IL18R1: variants seen among roughly 807,000 people sequenced by gnomAD.
IL18R1 encodes the protein interleukin 18 receptor 1.
IL18R1 carries 40 observed loss-of-function variants against 48.5 expected under a neutral mutation model. The observed-to-expected ratio is 0.82, with a 90% CI of 0.64 to 1.07. The LOEUF is 1.07. IL18R1 is among the 50% of genes least tolerant of loss of function. The pLI is 0.00. For synonymous variants in IL18R1, 232 were observed against 225.9 expected (o/e 1.03, Z -0.24); for missense variants, 596 against 633.7 (o/e 0.94, Z 0.64).
intron 5 of IL18R1, among the ~76,000 whole-genome samples, chr2:102,377,600 G>T (rs1284652380): frequency 1.3e-5 from 2 of 152,262 alleles, no homozygotes; most frequent in African/African-American, 4.8e-5. Context: ...ACAGGCATAA[G>T]CCACTGCACC....
chr2:102,391,778 C>T (rs950970104), intron 9 of IL18R1, among the ~76,000 whole-genome samples: 2 of 152,202 alleles, frequency 1.3e-5, no homozygotes, highest in Non-Finnish European at 2.9e-5. Context: ...ATTTAAGTGA[C>T]ATTTTAATTT....
At chr2:102,359,913 T>G (rs1379186612) in intron 1 of IL18R1, among the ~76,000 whole-genome samples, 5 of 152,214 alleles carry the variant, frequency 3.3e-5, no homozygotes, top group African/African-American at 1.2e-4. Context: ...TCATTTAACT[T>G]TCACATCAGT....
At position 102,374,125 on chromosome 2, in the gene IL18R1, A is replaced by T. The variant is rs1346968281; in HGVS notation, c.469-1782A>T. The T allele has an allele frequency of 2.3e-5, 5 of 220,788 alleles. No homozygotes were observed. The East Asian group carries it at 5.9e-4, about 26-fold the overall frequency. 13.7% of individuals were successfully genotyped at this position (220,788 alleles called of 1,614,324 possible). On this transcript the variant is annotated intron_variant, in intron 4 of 10. Coordinates refer to ENST00000233957, the MANE Select transcript of IL18R1 (RefSeq NM_003855.5). The stretch of plus-strand genomic sequence containing the variant: ...GCTCAACCCCTGCCCACCCTGGTCC[A>T]TGGAAAAGTTGTCATTCATGAAATC...
At chr2:102,389,968 G>A (rs1680464470) in intron 8 of IL18R1, 88 bp from the exon 9 acceptor site, 2 of 1,288,750 alleles carry the variant, frequency 1.6e-6, no homozygotes, top group African/African-American at 1.5e-5. Flanking sequence ...ATTAGTGTTA[G>A]CAGTAAAAAT....
At chr2:102,393,061 C>T (rs959316726) in intron 9 of IL18R1, among the ~76,000 whole-genome samples, 37 of 152,042 alleles carry the variant, frequency 2.4e-4, no homozygotes, top group African/African-American at 8.9e-4. Context: ...TAATATAAAC[C>T]CATATTTGAT....
chr2:102,382,038 C>T lies in IL18R1; in HGVS notation c.688+356C>T, dbSNP rs190029370. On this transcript the variant is annotated intron_variant, in intron 6 of 10. Coordinates refer to ENST00000233957, the MANE Select transcript of IL18R1 (RefSeq NM_003855.5). Reference sequence around the variant, plus strand: ...CTGTAATCCCAGCACTTTGGGAGGCCGAGGCAGGTGAATCACTTGAGGTCA... The same window carrying T: ...CTGTAATCCCAGCACTTTGGGAGGCTGAGGCAGGTGAATCACTTGAGGTCA... Among the ~76,000 whole-genome samples, 1,007 of 151,974 alleles carry T rather than the reference C, an allele frequency of 6.6e-3. 7 individuals are homozygous for T. Among genetic ancestry groups the T allele is most frequent in the South Asian group, 0.011 (51 of 4,802 alleles).
rs924104283 is a variant in IL18R1 at position 102,398,420 on chromosome 2, A to G, written c.*1534A>G. ...GTTTCAAATGGGTGTAGTAGATATT[A>G]CTGAAAACCAAAAAAGAGTGAGATT... On this transcript the variant is annotated 3_prime_UTR_variant, in exon 11 of 11. Coordinates refer to ENST00000233957, the MANE Select transcript of IL18R1 (RefSeq NM_003855.5). 2.6e-5 allele frequency: 4 copies of G among 152,390 alleles called. No homozygotes were observed. Among genetic ancestry groups the G allele is most frequent in the African/African-American group, 9.6e-5 (4 of 41,468 alleles). 9.4% of individuals were successfully genotyped at this position (152,390 alleles called of 1,614,324 possible). A position where few individuals can be genotyped will look rare whatever the true frequency, so the allele number is the denominator to read the frequency against.
At chr2:102,389,123 C>A (rs1044355521) in intron 8 of IL18R1, among the ~76,000 whole-genome samples, 2 of 152,144 alleles carry the variant, frequency 1.3e-5, no homozygotes, top group East Asian at 3.9e-4. Context: ...TGTACTGCAA[C>A]TTTATGTCTA....
intron 5 of IL18R1, among the ~76,000 whole-genome samples, chr2:102,376,430 A>G (rs1679589576): frequency 1.3e-5 from 2 of 152,258 alleles, no homozygotes; most frequent in African/African-American, 4.8e-5. Context: ...CAGGGAAGCA[A>G]GGAAGTATGA....
At chr2:102,393,768 T>C (rs559037604) in intron 9 of IL18R1, among the ~76,000 whole-genome samples, 1 of 152,340 alleles carries the variant, frequency 6.6e-6, no homozygotes, top group South Asian at 2.1e-4. Flanking sequence ...CAGATCCCAA[T>C]TAGCATCCAT....
At chr2:102,375,173 A>G (rs1679502578) in intron 4 of IL18R1, among the ~76,000 whole-genome samples, 1 of 152,220 alleles carries the variant, frequency 6.6e-6, no homozygotes, top group Non-Finnish European at 1.5e-5. Flanking sequence ...AACAGTGTCC[A>G]ATGGTCAAGG....
At chr2:102,379,541 G>A (rs1679799796) in intron 5 of IL18R1, among the ~76,000 whole-genome samples, 1 of 152,082 alleles carries the variant, frequency 6.6e-6, no homozygotes, top group African/African-American at 2.4e-5. Flanking sequence ...TAGAAGCATG[G>A]ACAGCCATGT....
intron 4 of IL18R1, among the ~76,000 whole-genome samples, 176 bp from the exon 5 acceptor site, chr2:102,375,731 C>T (rs865824517): frequency 3.3e-5 from 5 of 152,136 alleles, no homozygotes; most frequent in Non-Finnish European, 5.9e-5. Flanking sequence ...GCAATGGGAT[C>T]GCATTTAATT....
chr2:102,394,357 T>C, intron 9 of IL18R1, 112 bp from the exon 10 acceptor site: 1 of 762,940 alleles, frequency 1.3e-6, no homozygotes, highest in Non-Finnish European at 2.0e-6. Flanking sequence ...ACTTTATATA[T>C]AATTTGTTTT....
chr2:102,389,407 C>T (rs538707422), intron 8 of IL18R1, among the ~76,000 whole-genome samples: 40 of 152,228 alleles, frequency 2.6e-4, no homozygotes, highest in African/African-American at 5.8e-4. Context: ...TAAACATAAA[C>T]GGAATCAATC....
At chr2:102,364,740 G>A (rs1678783370) in intron 2 of IL18R1, among the ~76,000 whole-genome samples, 1 of 152,176 alleles carries the variant, frequency 6.6e-6, no homozygotes, top group East Asian at 1.9e-4. Flanking sequence ...AAAGGAAAGA[G>A]ACTTTATTGA....
chr2:102,381,831 T>G lies in IL18R1; in HGVS notation c.688+149T>G, dbSNP rs572221525. On this transcript the variant is annotated intron_variant, in intron 6 of 10. Transcript: ENST00000233957. ...TACAAAACTAAGAAAAGAGTGCCATTTTTTGAATGTTGCCACTTTTAACCT... is the reference window on the plus strand; with the variant it reads ...TACAAAACTAAGAAAAGAGTGCCATGTTTTGAATGTTGCCACTTTTAACCT... 4.0e-4 allele frequency: 254 copies of G among 629,890 alleles called. 1 individual carries two copies. Among genetic ancestry groups the G allele is most frequent in the Admixed American group, 1.3e-3 (44 of 34,778 alleles). The allele number at this position is 629,890 out of a possible 1,614,324, so 39.0% of individuals were successfully genotyped here. A position where few individuals can be genotyped will look rare whatever the true frequency, so the allele number is the denominator to read the frequency against.
At chr2:102,368,509 C>G (rs1303981439) in intron 3 of IL18R1, among the ~76,000 whole-genome samples, 1 of 152,144 alleles carries the variant, frequency 6.6e-6, no homozygotes, top group Non-Finnish European at 1.5e-5. Context: ...ACACCCTAGT[C>G]CAGTCTGCAG....
chr2:102,381,525 T>A, intron 5 of IL18R1, 95 bp from the exon 6 acceptor site: 1 of 892,958 alleles, frequency 1.1e-6, no homozygotes. Context: ...TATTGGAATC[T>A]TTGTTACATG....
Sources: gnomAD v4.1 joint callset for allele counts (sites outside exome capture counted in the v4.1 genomes callset) on GRCh38, gnomAD v4.1.1 for gene constraint, MANE v1.5 for transcripts, NCBI Gene and HGNC (gene_info 2026-07-23, HGNC 2026-07-21) for gene names.